Variants in MYO16 observed in about 807,000 individuals in gnomAD.
The protein encoded by MYO16 is unconventional myosin-XVI.
A neutral mutation model predicts 205.3 loss-of-function variants in MYO16; 94 were observed. That is an observed-to-expected ratio of 0.46 (90% CI 0.39 to 0.54). The LOEUF is 0.54. Among genes scored for constraint, MYO16 ranks in the 20% least tolerant of loss-of-function variants. MYO16 has a pLI of 0.00. For missense variants in MYO16, 2,315 were observed against 2,387.5 expected, an observed-to-expected ratio of 0.97 and a Z score of 0.63; for synonymous variants, 988 against 954.0, an observed-to-expected ratio of 1.04 and a Z score of -0.66.
the MYO16 span, among the ~76,000 whole-genome samples, chr13:108,584,619 C>T: frequency 1.3e-5 from 2 of 152,060 alleles, no homozygotes; most frequent in Admixed American, 6.6e-5. Context: ...TCTGTTTATC[C>T]CCTTCCCTTG....
chr13:108,850,738 C>A (rs1220234671), intron 10 of MYO16, among the ~76,000 whole-genome samples: 1 of 152,190 alleles, frequency 6.6e-6, no homozygotes, highest in Non-Finnish European at 1.5e-5. Context: ...ATCAAAGCTT[C>A]CTTTCAGGTC....
intron 10 of MYO16, among the ~76,000 whole-genome samples, chr13:108,854,290 G>A (rs796477134): frequency 2.3e-4 from 35 of 152,078 alleles, no homozygotes; most frequent in African/African-American, 6.7e-4. Context: ...CCACCACACC[G>A]GCCTGTGTTT....
intron 1 of MYO16, among the ~76,000 whole-genome samples, chr13:108,648,003 C>T (rs1046192583): frequency 1.3e-5 from 2 of 152,044 alleles, no homozygotes; most frequent in African/African-American, 2.4e-5. Flanking sequence ...CAGAGATGGC[C>T]CCTGTATTCA....
At position 109,141,196 on chromosome 13, in the gene MYO16, G is replaced by C; in HGVS notation, c.4984G>C (p.Val1662Leu). 1 of 1,606,588 alleles carries C rather than the reference G, an allele frequency of 6.2e-7. No homozygotes were observed. Among genetic ancestry groups the C allele is most frequent in the Non-Finnish European group, 8.5e-7 (1 of 1,176,426 alleles). ...CTTCCCCAAGATCCCATATTCCCCC[G>C]TGAAGGCCACCAGGGCGGACGCCAG... ...SSFPKIPYSPVKATRADARKA... is the reference protein window; with the variant it reads ...SSFPKIPYSPLKATRADARKA... Residue 1662 changes from valine (V) to leucine (L), a missense_variant, in exon 32 of 35, where the codon GTG (valine) becomes CTG (leucine). Val to Leu is a conservative substitution (Grantham distance 32). Around this residue, in one of 3 missense-constraint regions of MYO16, gnomAD observed 1,097 missense variants for 1,092.0 expected, o/e 1.00. Transcript: ENST00000457511. This position sits in a 1 kb window ranked among gnomAD's most constrained non-coding sequence, Gnocchi z 4.1.
chr13:108,985,596 T>C (rs1884599524), intron 20 of MYO16, among the ~76,000 whole-genome samples: 1 of 152,216 alleles, frequency 6.6e-6, no homozygotes, highest in Admixed American at 6.5e-5. Context: ...TCATGAAGAA[T>C]GTATTTTCAG....
At chr13:108,763,787 T>TTGTGTG (rs56115831) in intron 4 of MYO16, among the ~76,000 whole-genome samples, 5,587 of 142,594 alleles carry the variant, frequency 0.039, 129 homozygotes, top group East Asian at 0.1. Flanking sequence ...AGAAAAGGAG[T>TTGTGTG]TGTGTGTGTG....
intron 33 of MYO16, among the ~76,000 whole-genome samples, chr13:109,176,633 C>A (rs1879202451): frequency 7.3e-6 from 1 of 136,990 alleles, no homozygotes; most frequent in East Asian, 2.4e-4. Flanking sequence ...GCTTCCTGGC[C>A]GTCACTTTGT....
intron 27 of MYO16, among the ~76,000 whole-genome samples, chr13:109,092,781 T>G (rs1888662280): frequency 6.6e-6 from 1 of 152,208 alleles, no homozygotes; most frequent in Non-Finnish European, 1.5e-5. Context: ...ATAAGCTGTT[T>G]TTATCTCTAG....
At chr13:108,709,532 G>C (rs1926519) in intron 2 of MYO16, among the ~76,000 whole-genome samples, 90,990 of 132,292 alleles carry the variant, frequency 0.69, 39,516 homozygotes, top group Non-Finnish European at 0.9. Context: ...TATAGTGTCT[G>C]TATTATAGAG....
At chr13:108,963,642 A>G (rs770401016) in intron 19 of MYO16, among the ~76,000 whole-genome samples, 7 of 152,200 alleles carry the variant, frequency 4.6e-5, no homozygotes, top group South Asian at 2.1e-4. Flanking sequence ...TCTTTCAAAG[A>G]TACACCAGCT....
chr13:108,691,801 C>G (rs1882907283), intron 2 of MYO16, among the ~76,000 whole-genome samples: 1 of 152,214 alleles, frequency 6.6e-6, no homozygotes, highest in Non-Finnish European at 1.5e-5. Flanking sequence ...AGCAAGGTGA[C>G]TTTTGCAGTC....
chr13:108,756,234 CTT>C (rs1885418714), intron 4 of MYO16, among the ~76,000 whole-genome samples: 1 of 151,358 alleles, frequency 6.6e-6, no homozygotes, highest in African/African-American at 2.5e-5. Context: ...AAAAAATGCT[CTT>C]TAAATATAAG....
At chr13:109,159,517 A>G (rs1267117926) in intron 32 of MYO16, among the ~76,000 whole-genome samples, 1 of 152,238 alleles carries the variant, frequency 6.6e-6, no homozygotes, top group Non-Finnish European at 1.5e-5. Context: ...ACAAATATTA[A>G]TTGAGTGCCA....
the MYO16 span, among the ~76,000 whole-genome samples, chr13:108,517,710 G>A: frequency 6.6e-6 from 1 of 152,212 alleles, no homozygotes; most frequent in African/African-American, 2.4e-5. Flanking sequence ...CTGCCTCAGT[G>A]TTTTGTTTGC....
At chr13:109,086,510 A>C (rs1009144931) in intron 27 of MYO16, among the ~76,000 whole-genome samples, 3 of 152,200 alleles carry the variant, frequency 2.0e-5, no homozygotes, top group African/African-American at 7.2e-5. Context: ...GCTAATGCCA[A>C]TTTTAATCAT....
chr13:108,979,635 A>G (rs973407713), intron 20 of MYO16, among the ~76,000 whole-genome samples: 1 of 152,102 alleles, frequency 6.6e-6, no homozygotes, highest in Admixed American at 6.5e-5. Flanking sequence ...AATATCGGAG[A>G]CAAACCTGCT....
chr13:108,800,940 C>T (rs1566337843), intron 6 of MYO16, among the ~76,000 whole-genome samples: 2 of 151,952 alleles, frequency 1.3e-5, no homozygotes, highest in Non-Finnish European at 2.9e-5. Flanking sequence ...GGAAAAAAGC[C>T]TCTGGCAAAG....
At chr13:109,053,648 A>G (rs1887321810) in intron 25 of MYO16, among the ~76,000 whole-genome samples, 1 of 152,106 alleles carries the variant, frequency 6.6e-6, no homozygotes, top group Non-Finnish European at 1.5e-5. Context: ...GGTAACTCAC[A>G]GTAGTTCCTC....
intron 14 of MYO16, among the ~76,000 whole-genome samples, chr13:108,888,870 C>T (rs1250724798): frequency 6.6e-6 from 1 of 152,004 alleles, no homozygotes; most frequent in Non-Finnish European, 1.5e-5. Context: ...GCCTGGCCAA[C>T]ATTGTGAAAC....
Sources: gnomAD v4.1 joint callset for allele counts (sites outside exome capture counted in the v4.1 genomes callset) on GRCh38, gnomAD v4.1.1 for gene constraint, gnomAD v4.1.1 regional missense constraint, Gnocchi (gnomAD v3.1) non-coding constraint, MANE v1.5 for transcripts, NCBI Gene and HGNC (gene_info 2026-07-23, HGNC 2026-07-21) for gene names.